Variants in PDSS2 observed in about 807,000 individuals in gnomAD.
PDSS2 encodes all trans-polyprenyl-diphosphate synthase PDSS2.
A neutral mutation model predicts 44.5 loss-of-function variants in PDSS2; 31 were observed. The ratio of observed to expected loss-of-function variants is 0.70; its 90% CI spans 0.52 to 0.94. PDSS2 has a LOEUF of 0.94. Among genes scored for constraint, PDSS2 ranks in the 40% least tolerant of loss-of-function variants. The probability of loss-of-function intolerance (pLI) is 0.00; values close to 1 mark genes in which losing one functional copy is unlikely to be tolerated. For missense variants in PDSS2, 452 were observed against 482.2 expected (o/e 0.94, Z 0.59); for synonymous variants, 157 against 180.3 (o/e 0.87, Z 1.03).
At chr6:107,333,761 C>G (rs1489275907) in intron 2 of PDSS2, among the ~76,000 whole-genome samples, 1 of 152,124 alleles carries the variant, frequency 6.6e-6, no homozygotes, top group African/African-American at 2.4e-5. Context: ...GTCTCAAACT[C>G]TTGGTCTCAA....
At chr6:107,269,008 C>T (rs1231093647) in intron 3 of PDSS2, among the ~76,000 whole-genome samples, 3 of 150,754 alleles carry the variant, frequency 2.0e-5, no homozygotes, top group Admixed American at 6.6e-5. Flanking sequence ...GGTGCGATCT[C>T]GGCTCACTGT....
At chr6:107,260,017 C>A (rs1175833669) in intron 3 of PDSS2, among the ~76,000 whole-genome samples, 2 of 152,168 alleles carry the variant, frequency 1.3e-5, no homozygotes, top group Non-Finnish European at 2.9e-5. Context: ...AGAACAATGA[C>A]AATTAAGCCA....
At chr6:107,188,148 G>A (rs527326177) in intron 7 of PDSS2, among the ~76,000 whole-genome samples, 19 of 152,138 alleles carry the variant, frequency 1.2e-4, no homozygotes, top group African/African-American at 4.6e-4. Context: ...AGGCTGAGGC[G>A]GGCAGATCGC....
In PDSS2 at chr6:107,313,553, G is replaced by A. The variant is rs4945775; in HGVS notation, c.431+20645C>T. On this transcript the variant is annotated intron_variant, in intron 2 of 7. Coordinates refer to ENST00000369037, the MANE Select transcript of PDSS2 (RefSeq NM_020381.4). ...TTTTTAGTAGAGATGGGATTTCACCGTGTCGGCCAGGCTGGTCTCGAACTC... is the reference window on the plus strand; with the variant it reads ...TTTTTAGTAGAGATGGGATTTCACCATGTCGGCCAGGCTGGTCTCGAACTC... Among the ~76,000 whole-genome samples, 14 of 151,858 alleles carry A rather than the reference G, an allele frequency of 9.2e-5. No individual in the cohort carries two copies. The East Asian group carries it at 2.0e-3, about 21-fold the overall frequency.
At chr6:107,165,385 C>T (rs1771306265) in intron 7 of PDSS2, among the ~76,000 whole-genome samples, 1 of 152,320 alleles carries the variant, frequency 6.6e-6, no homozygotes, top group Non-Finnish European at 1.5e-5. Flanking sequence ...CTACATATGG[C>T]TAGCCAGTTT....
At chr6:107,185,882 G>A (rs1266742178) in intron 7 of PDSS2, among the ~76,000 whole-genome samples, 1 of 152,290 alleles carries the variant, frequency 6.6e-6, no homozygotes, top group South Asian at 2.1e-4. Context: ...AGGGCTGCAG[G>A]ACAGTCACTG....
chr6:107,334,484 G>A, intron 1 of PDSS2, 152 bp from the exon 2 acceptor site: 1 of 698,118 alleles, frequency 1.4e-6, no homozygotes, highest in South Asian at 1.6e-5. Flanking sequence ...TTAATGTGAG[G>A]ATGCCATGAG....
intron 1 of PDSS2, among the ~76,000 whole-genome samples, chr6:107,384,448 C>T (rs1779548725): frequency 6.6e-6 from 1 of 152,026 alleles, no homozygotes; most frequent in African/African-American, 2.4e-5. Context: ...CGAGACCAGC[C>T]TGGCCAACAT....
chr6:107,392,790 G>A (rs1779824339), intron 1 of PDSS2, among the ~76,000 whole-genome samples: 2 of 152,076 alleles, frequency 1.3e-5, no homozygotes, highest in African/African-American at 4.8e-5. Context: ...AGTGTCAGAA[G>A]TACAAGCAAA....
chr6:107,227,111 C>G (rs1773854417), intron 4 of PDSS2, among the ~76,000 whole-genome samples: 1 of 151,720 alleles, frequency 6.6e-6, no homozygotes, highest in South Asian at 2.1e-4. Context: ...TCTCAAGTAG[C>G]TTGGATTACA....
chr6:107,245,721 G>A, intron 3 of PDSS2, 102 bp from the exon 4 acceptor site: 1 of 696,392 alleles, frequency 1.4e-6, no homozygotes, highest in South Asian at 2.0e-5. Flanking sequence ...GAATTTTTCT[G>A]TGCTTGACAG....
At chr6:107,223,259 G>A (rs1773677569) in intron 4 of PDSS2, among the ~76,000 whole-genome samples, 1 of 151,120 alleles carries the variant, frequency 6.6e-6, no homozygotes, top group African/African-American at 2.5e-5. Context: ...GCCAGGCATG[G>A]TGGCTCATGC....
In PDSS2 at chr6:107,212,167, T is replaced by A; in HGVS notation, c.818A>T (p.Asp273Val). The change falls in exon 5 of 8, where the codon GAT becomes GTT. Residue 273 changes from aspartate to valine, a missense_variant. Asp to Val is a radical substitution (Grantham distance 152). Coordinates refer to ENST00000369037, the MANE Select transcript of PDSS2 (RefSeq NM_020381.4). ...AAATGCCATATTCTGAACCTCAGCA[T>A]CATGCTTTGCTAATTCCATTGCAGC... ...CQAAMELAKH[D>V]AEVQNMAFQY... is the part of the protein sequence containing the mutation. The A allele has an allele frequency of 6.2e-7, 1 of 1,614,138 alleles. No individual in the cohort carries two copies. The highest frequency in any genetic ancestry group is 8.5e-7 in the Non-Finnish European group (1 of 1,179,974).
chr6:107,455,176 A>C lies in PDSS2; in HGVS notation c.296+3814T>G, dbSNP rs1287633784. Among the ~76,000 whole-genome samples the C allele has an allele frequency of 2.7e-5, 4 of 150,566 alleles. No individual in the cohort carries two copies. The East Asian group carries it at 7.8e-4, about 29-fold the overall frequency. Reference sequence around the variant, plus strand: ...AGTACTACAAGGCAGGTTAGGCAACAATTAGGAAAGTTTCAGAACCATTAG... The same window carrying C: ...AGTACTACAAGGCAGGTTAGGCAACCATTAGGAAAGTTTCAGAACCATTAG... On this transcript the variant is annotated intron_variant, in intron 1 of 7. Transcript: ENST00000369037.
chr6:107,256,136 G>T (rs570646850), intron 3 of PDSS2, among the ~76,000 whole-genome samples: 1 of 152,176 alleles, frequency 6.6e-6, no homozygotes, highest in Non-Finnish European at 1.5e-5. Flanking sequence ...GGCTACAGGT[G>T]CATGCCACCA....
intron 6 of PDSS2, among the ~76,000 whole-genome samples, chr6:107,195,648 C>G (rs12662121): frequency 0.23 from 34,655 of 150,844 alleles, 5,048 homozygotes; most frequent in East Asian, 0.49. Context: ...CAAACTCCCC[C>G]TCCAAGGTTC....
chr6:107,153,556 G>A lies in PDSS2; in HGVS notation c.*1063C>T, dbSNP rs986323320. On this transcript the variant is annotated 3_prime_UTR_variant, in exon 8 of 8. Transcript: ENST00000369037. ...ATGAATACATTTCACTTGAAAAAAA[G>A]CTCCTTTTTCCTTAAAGAAAAAAAA... The A allele has an allele frequency of 6.6e-6, 1 of 152,186 alleles. No homozygotes were observed. The highest frequency in any genetic ancestry group is 2.4e-5 in the African/African-American group (1 of 41,316). The allele number at this position is 152,186 out of a possible 1,614,324, so 9.4% of individuals were successfully genotyped here.
chr6:107,344,189 G>A (rs1333864227), intron 1 of PDSS2, among the ~76,000 whole-genome samples: 1 of 152,050 alleles, frequency 6.6e-6, no homozygotes, highest in African/African-American at 2.4e-5. Flanking sequence ...ATGAAATGAT[G>A]TTAAAAACAT....
chr6:107,275,087 C>A (rs141850447), intron 2 of PDSS2, among the ~76,000 whole-genome samples: 89 of 152,144 alleles, frequency 5.8e-4, no homozygotes, highest in Middle Eastern at 6.8e-3. Flanking sequence ...AGAGAGAAAC[C>A]TATAGTAGCA....
Sources: allele counts gnomAD v4.1 joint callset (sites outside exome capture counted in the v4.1 genomes callset), GRCh38; gene constraint gnomAD v4.1.1; transcripts MANE v1.5; gene names NCBI Gene and HGNC (gene_info 2026-07-23, HGNC 2026-07-21).